SNTG2: variants seen among roughly 807,000 people sequenced by gnomAD.
SNTG2 encodes the protein gamma-2-syntrophin.
SNTG2 carries 74 observed loss-of-function variants against 70.9 expected under a neutral mutation model. That is an observed-to-expected ratio of 1.04 (90% CI 0.86 to 1.27). SNTG2 has a LOEUF of 1.27. Among genes scored for constraint, SNTG2 ranks in the 50% most tolerant of loss-of-function variants. The pLI is 0.00. For synonymous variants in SNTG2, 278 were observed against 273.8 expected (o/e 1.02, Z -0.15); for missense variants, 717 against 690.7 (o/e 1.04, Z -0.43).
Position 1,137,798 on chromosome 2 carries a change from CATG to C in SNTG2, c.402_404del (p.His134_Glu135delinsGln). On this transcript the variant is annotated inframe_deletion, in exon 6 of 17. Coordinates refer to ENST00000308624, the MANE Select transcript of SNTG2 (RefSeq NM_018968.4). ...TGGCATACATGTAGAAAATGCAACT[CATG>C]AAGAAGTGGTAAGTGAATTACATTT... 1.2e-6 allele frequency: 2 copies of C among 1,612,418 alleles called. No individual in the cohort carries two copies. The highest frequency in any genetic ancestry group is 1.7e-6 in the Non-Finnish European group (2 of 1,178,980).
intron 14 of SNTG2, among the ~76,000 whole-genome samples, chr2:1,278,479 GGA>G (rs1219386420): frequency 2.6e-5 from 4 of 152,168 alleles, no homozygotes; most frequent in African/African-American, 9.7e-5. Context: ...ATGGAGGACA[GGA>G]GGTGCTAGTG....
intron 4 of SNTG2, among the ~76,000 whole-genome samples, chr2:1,137,181 C>G (rs1572534344): frequency 6.6e-6 from 1 of 152,200 alleles, no homozygotes; most frequent in East Asian, 1.9e-4. Flanking sequence ...ACATTTCCCA[C>G]ACCCCTGTGG....
chr2:1,007,366 A>T (rs1174716253), intron 1 of SNTG2, among the ~76,000 whole-genome samples: 1 of 152,192 alleles, frequency 6.6e-6, no homozygotes, highest in African/African-American at 2.4e-5. Context: ...TTGCCAAGAG[A>T]AGTAGCAAAG....
At chr2:970,412 TC>T (rs1660699010) in intron 1 of SNTG2, among the ~76,000 whole-genome samples, 1 of 119,840 alleles carries the variant, frequency 8.3e-6, no homozygotes, top group African/African-American at 3.1e-5. Context: ...ATGCTATCCC[TC>T]CCCCCTCCCC....
intron 6 of SNTG2, among the ~76,000 whole-genome samples, chr2:1,163,984 T>C (rs1670522718): frequency 6.6e-6 from 1 of 152,180 alleles, no homozygotes; most frequent in African/African-American, 2.4e-5. Context: ...ATCAGGTGTC[T>C]TAGGGAGCTG....
In SNTG2 at chr2:1,104,295, C is replaced by G. The variant is rs181389323; in HGVS notation, c.325+5885C>G. Among the ~76,000 whole-genome samples the G allele has an allele frequency of 5.5e-3, 839 of 152,246 alleles. 6 individuals carry two copies. Among genetic ancestry groups the G allele is most frequent in the Admixed American group, 0.012 (184 of 15,290 alleles). ...GGTTATTGCTCTATGTTGGTGTTGC[C>G]TAGGGTTAATAACTTCCTAGTGTAG... On this transcript the variant is annotated intron_variant, in intron 4 of 16. Coordinates refer to ENST00000308624, the MANE Select transcript of SNTG2 (RefSeq NM_018968.4).
rs556249205 is a variant in SNTG2, at chr2:1,245,195, A to G, written c.889-2132A>G. On this transcript the variant is annotated intron_variant, in intron 11 of 16. Coordinates refer to ENST00000308624, the MANE Select transcript of SNTG2 (RefSeq NM_018968.4). ...TAGATGACACGTTAGTGGGTGCAGC[A>G]CACCAACATGGCACATGTATACATA... is the stretch of plus-strand genomic sequence containing the variant. Among the ~76,000 whole-genome samples the G allele has an allele frequency of 1.7e-3, 262 of 151,306 alleles. 1 individual carries two copies. Among genetic ancestry groups the G allele is most frequent in the Non-Finnish European group, 3.0e-3 (202 of 67,880 alleles).
chr2:965,555 GTCCTCTTCTGTGGTCCCC>G (rs1440425574), intron 1 of SNTG2, among the ~76,000 whole-genome samples: 2 of 148,602 alleles, frequency 1.3e-5, no homozygotes, highest in South Asian at 2.1e-4. Flanking sequence ...TGACCCCCTG[GTCCTCTTCTGTGGTCCCC>G]TCCTCCTCTG....
intron 14 of SNTG2, among the ~76,000 whole-genome samples, chr2:1,281,415 G>C (rs1679531461): frequency 9.4e-5 from 1 of 10,596 alleles, no homozygotes; most frequent in Non-Finnish European, 1.8e-4. Context: ...TGTGTTGTGT[G>C]TGTGTGTGTG....
chr2:1,283,376 C>T (rs1679637352), intron 14 of SNTG2, among the ~76,000 whole-genome samples: 2 of 152,208 alleles, frequency 1.3e-5, no homozygotes, highest in Non-Finnish European at 2.9e-5. Flanking sequence ...GGAGGCTTCT[C>T]AGCCCCGTGG....
At chr2:1,078,343 G>C (rs773259462) in intron 1 of SNTG2, among the ~76,000 whole-genome samples, 34 of 152,230 alleles carry the variant, frequency 2.2e-4, no homozygotes, top group Admixed American at 3.9e-4. Flanking sequence ...GAGCAGTGGG[G>C]ATGGCGGAGT....
chr2:958,901 G>C (rs1660259272), intron 1 of SNTG2, among the ~76,000 whole-genome samples: 2 of 152,158 alleles, frequency 1.3e-5, no homozygotes, highest in African/African-American at 4.8e-5. Context: ...CTAAAACAAT[G>C]ATGCTTGGGT....
intron 9 of SNTG2, among the ~76,000 whole-genome samples, chr2:1,222,358 G>C (rs1227654810): frequency 6.6e-6 from 1 of 152,238 alleles, no homozygotes; most frequent in Non-Finnish European, 1.5e-5. Context: ...GTAACAAGTT[G>C]TCTGCTTTAA....
chr2:1,326,975 C>T (rs937647975), intron 16 of SNTG2, among the ~76,000 whole-genome samples: 1 of 151,936 alleles, frequency 6.6e-6, no homozygotes, highest in Admixed American at 6.6e-5. Flanking sequence ...ATCACACCCC[C>T]AAGTCTTTCT....
intron 16 of SNTG2, among the ~76,000 whole-genome samples, chr2:1,349,621 G>C (rs1260194273): frequency 6.6e-6 from 1 of 152,230 alleles, no homozygotes; most frequent in Admixed American, 6.5e-5. Flanking sequence ...CCATCAGCTT[G>C]TGAGGTTAGA....
intron 14 of SNTG2, among the ~76,000 whole-genome samples, chr2:1,288,011 C>G (rs1299241804): frequency 6.6e-6 from 1 of 152,150 alleles, no homozygotes; most frequent in Non-Finnish European, 1.5e-5. Context: ...GAACCTCGGA[C>G]AAGTTTTTAA....
At chr2:1,106,638 T>G (rs71440623) in intron 4 of SNTG2, among the ~76,000 whole-genome samples, 25 of 119,930 alleles carry the variant, frequency 2.1e-4, no homozygotes, top group Admixed American at 3.6e-4. Flanking sequence ...TCCTTGGTAA[T>G]AGTGGACACA....
chr2:1,199,964 C>G (rs1388480561), intron 8 of SNTG2, among the ~76,000 whole-genome samples: 1 of 151,888 alleles, frequency 6.6e-6, no homozygotes, highest in Admixed American at 6.6e-5. Flanking sequence ...AGATTTAATG[C>G]AATCCCTATA....
At chr2:1,232,881 G>GCA (rs35266810) in intron 9 of SNTG2, among the ~76,000 whole-genome samples, 7 of 151,424 alleles carry the variant, frequency 4.6e-5, no homozygotes, top group African/African-American at 1.5e-4. Flanking sequence ...ACACACACAT[G>GCA]CACACACACA....
Sources: gnomAD v4.1 joint callset for allele counts (sites outside exome capture counted in the v4.1 genomes callset) on GRCh38, gnomAD v4.1.1 for gene constraint, MANE v1.5 for transcripts, NCBI Gene and HGNC (gene_info 2026-07-23, HGNC 2026-07-21) for gene names.